The following GRIK2 variants were observed in gnomAD, a reference collection of about 807,000 sequenced individuals.
GRIK2 encodes the protein glutamate receptor ionotropic, kainate 2.
Under a neutral mutation model 100.3 loss-of-function variants are expected in GRIK2, and 32 were observed. The observed-to-expected ratio is 0.32, with a 90% CI of 0.24 to 0.43. The LOEUF is 0.43. Ranked by LOEUF, GRIK2 falls within the 20% of genes least tolerant of loss-of-function variation. GRIK2 has a pLI of 1.00. For missense variants in GRIK2, 843 were observed against 1,114.9 expected, an observed-to-expected ratio of 0.76 and a Z score of 3.47; for synonymous variants, 417 against 389.4, an observed-to-expected ratio of 1.07 and a Z score of -0.83.
intron 7 of GRIK2, among the ~76,000 whole-genome samples, chr6:101,789,941 C>A (rs1466484634): frequency 1.3e-5 from 2 of 152,040 alleles, no homozygotes; most frequent in African/African-American, 4.8e-5. Flanking sequence ...AAGTTGGATT[C>A]CTAAGTATTT....
rs146539572 is a variant in GRIK2, at chr6:101,692,432, G to A, written c.951+6079G>A. Among the ~76,000 whole-genome samples the A allele has an allele frequency of 8.2e-3, 1,247 of 152,048 alleles. 10 individuals are homozygous for A. The highest frequency in any genetic ancestry group is 0.015 in the Non-Finnish European group (993 of 67,978). On this transcript the variant is annotated intron_variant, in intron 7 of 16. Coordinates refer to ENST00000369134, the MANE Select transcript of GRIK2 (RefSeq NM_021956.5). ...TGCAGCACACAGGATTTGATACCAG[G>A]CACTCAGGATTTGGTAATCAAGACA...
At chr6:101,768,869 A>C (rs1778212952) in intron 7 of GRIK2, among the ~76,000 whole-genome samples, 1 of 152,196 alleles carries the variant, frequency 6.6e-6, no homozygotes. Flanking sequence ...TAAAGTGCCT[A>C]CTGCAGTGCC....
intron 2 of GRIK2, among the ~76,000 whole-genome samples, chr6:101,581,987 A>G (rs1778122087): frequency 6.6e-6 from 1 of 152,092 alleles, no homozygotes; most frequent in Non-Finnish European, 1.5e-5. Flanking sequence ...AGATAATTGA[A>G]TCATGGGGAT....
intron 4 of GRIK2, among the ~76,000 whole-genome samples, chr6:101,647,973 C>T (rs1374520794): frequency 2.0e-5 from 3 of 151,964 alleles, no homozygotes; most frequent in Non-Finnish European, 4.4e-5. Flanking sequence ...TTACCAGCAT[C>T]CCTAACCTTT....
chr6:101,948,053 C>T (rs1791382717), intron 14 of GRIK2, among the ~76,000 whole-genome samples: 2 of 152,148 alleles, frequency 1.3e-5, no homozygotes, highest in Admixed American at 6.6e-5. Flanking sequence ...CCTCTAATCT[C>T]AGTTTGAATT....
intron 11 of GRIK2, among the ~76,000 whole-genome samples, chr6:101,867,527 T>C (rs984931781): frequency 1.3e-5 from 2 of 151,770 alleles, no homozygotes; most frequent in African/African-American, 4.8e-5. Context: ...TATGCTATAC[T>C]AGATTATGAT....
intron 2 of GRIK2, among the ~76,000 whole-genome samples, chr6:101,461,553 C>A (rs1771309342): frequency 6.6e-6 from 1 of 152,182 alleles, no homozygotes; most frequent in South Asian, 2.1e-4. Context: ...GTTCTTCACT[C>A]TTAAGGATTC....
chr6:101,672,133 C>T (rs1007804456), intron 4 of GRIK2, among the ~76,000 whole-genome samples: 1 of 152,030 alleles, frequency 6.6e-6, no homozygotes, highest in African/African-American at 2.4e-5. Flanking sequence ...TTTTGAGTGG[C>T]GGTTTGTATT....
chr6:101,650,124 G>A (rs946717937), intron 4 of GRIK2, among the ~76,000 whole-genome samples: 2 of 152,058 alleles, frequency 1.3e-5, no homozygotes, highest in Non-Finnish European at 2.9e-5. Context: ...ATGAACTTAG[G>A]TACTTAAATT....
chr6:101,539,934 T>C (rs1775903453), intron 2 of GRIK2, among the ~76,000 whole-genome samples: 1 of 151,846 alleles, frequency 6.6e-6, no homozygotes, highest in South Asian at 2.1e-4. Context: ...TCTCATAAGT[T>C]CTTTAAGATT....
chr6:101,977,162 A>AT (rs56712029), intron 14 of GRIK2, among the ~76,000 whole-genome samples: 3,913 of 149,124 alleles, frequency 0.026, 90 homozygotes, highest in African/African-American at 0.056. Flanking sequence ...GGGATTTATT[A>AT]TTTTTTTTTT....
chr6:101,894,964 C>T lies in GRIK2; in HGVS notation c.1748+5101C>T, dbSNP rs187828840. Among the ~76,000 whole-genome samples, 809 of 151,850 alleles carry T rather than the reference C, an allele frequency of 5.3e-3. 7 individuals carry two copies. Among genetic ancestry groups the T allele is most frequent in the African/African-American group, 0.018 (761 of 41,506 alleles). On this transcript the variant is annotated intron_variant, in intron 12 of 16. Coordinates refer to ENST00000369134, the MANE Select transcript of GRIK2 (RefSeq NM_021956.5). ...GATTGATGTAACCTTAATAATTATT[C>T]ACTAAGTCTTTAATAGTGCATATCT...
chr6:101,771,112 T>C (rs1331222759), intron 7 of GRIK2, among the ~76,000 whole-genome samples: 1 of 152,158 alleles, frequency 6.6e-6, no homozygotes, highest in African/African-American at 2.4e-5. Context: ...ATGATATCAC[T>C]TTGCCTTGAA....
At chr6:101,669,430 T>C (rs1196928589) in intron 4 of GRIK2, among the ~76,000 whole-genome samples, 2 of 152,170 alleles carry the variant, frequency 1.3e-5, no homozygotes, top group Non-Finnish European at 1.5e-5. Flanking sequence ...GGAAGACATA[T>C]AAACCATCTC....
chr6:101,775,523 GTATATATA>G (rs1361727551), intron 7 of GRIK2, among the ~76,000 whole-genome samples: 2 of 2,948 alleles, frequency 6.8e-4, no homozygotes, highest in Non-Finnish European at 1.2e-3. Context: ...ATATATGTGT[GTATATATA>G]TGTATATATA....
At chr6:101,442,985 T>A (rs1770165266) in intron 2 of GRIK2, among the ~76,000 whole-genome samples, 1 of 152,198 alleles carries the variant, frequency 6.6e-6, no homozygotes, top group East Asian at 1.9e-4. Context: ...ATGTTTACAA[T>A]AGAATAGTGC....
chr6:101,913,006 G>GAT (rs1334036032), intron 12 of GRIK2, among the ~76,000 whole-genome samples: 1 of 151,334 alleles, frequency 6.6e-6, no homozygotes, highest in Non-Finnish European at 1.5e-5. Context: ...TATGATTCTG[G>GAT]ATATATTTTA....
chr6:101,568,215 C>T (rs1028647194), intron 2 of GRIK2, among the ~76,000 whole-genome samples: 2 of 151,840 alleles, frequency 1.3e-5, no homozygotes, highest in Non-Finnish European at 2.9e-5. Flanking sequence ...TTTCTCAGCT[C>T]TCTGTACTGT....
At chr6:101,504,407 T>G (rs1190686148) in intron 2 of GRIK2, among the ~76,000 whole-genome samples, 1 of 152,036 alleles carries the variant, frequency 6.6e-6, no homozygotes, top group Non-Finnish European at 1.5e-5. Context: ...TATATCATAA[T>G]TTAGATTTTA....
Sources: allele counts gnomAD v4.1 joint callset (sites outside exome capture counted in the v4.1 genomes callset), GRCh38; gene constraint gnomAD v4.1.1; transcripts MANE v1.5; gene names NCBI Gene and HGNC (gene_info 2026-07-23, HGNC 2026-07-21).